The following SLC9A9 variants were observed in gnomAD, a reference collection of about 807,000 sequenced individuals.
The protein encoded by SLC9A9 is solute carrier family 9 member A9.
A neutral mutation model predicts 77.8 loss-of-function variants in SLC9A9; 62 were observed. That is an observed-to-expected ratio of 0.80 (90% CI 0.65 to 0.98). The LOEUF is 0.98. Among genes scored for constraint, SLC9A9 ranks in the 50% least tolerant of loss-of-function variants. The pLI, the probability that SLC9A9 is intolerant of heterozygous loss-of-function variation, is 0.00. For synonymous variants in SLC9A9, 320 were observed against 283.5 expected (o/e 1.13, Z -1.29); for missense variants, 775 against 774.9 (o/e 1.00, Z 0.00).
chr3:143,626,436 A>T (rs1409543187), intron 6 of SLC9A9, among the ~76,000 whole-genome samples: 1 of 152,232 alleles, frequency 6.6e-6, no homozygotes, highest in Non-Finnish European at 1.5e-5. Flanking sequence ...TTATGCAGCC[A>T]TAAAAAATGA....
chr3:143,542,479 G>T (rs923664127), intron 9 of SLC9A9, among the ~76,000 whole-genome samples: 1 of 152,160 alleles, frequency 6.6e-6, no homozygotes, highest in African/African-American at 2.4e-5. Flanking sequence ...AGGTAACTGG[G>T]ATGGAAAGTG....
chr3:143,433,556 T>C (rs1412023392), intron 12 of SLC9A9, among the ~76,000 whole-genome samples: 2 of 152,202 alleles, frequency 1.3e-5, no homozygotes, highest in African/African-American at 2.4e-5. Context: ...CCTTGATTTA[T>C]AGCATTTGCC....
chr3:143,296,845 AT>A (rs2030292855), intron 14 of SLC9A9, among the ~76,000 whole-genome samples: 10 of 152,122 alleles, frequency 6.6e-5, no homozygotes, highest in African/African-American at 2.4e-4. Context: ...TCAGAGAAAT[AT>A]CAAGTCCTTT....
intron 12 of SLC9A9, among the ~76,000 whole-genome samples, chr3:143,422,629 G>C (rs2034320296): frequency 6.6e-6 from 1 of 152,150 alleles, no homozygotes; most frequent in Admixed American, 6.5e-5. Context: ...GGGCTTAAAA[G>C]CTACCTATTG....
chr3:143,780,281 C>A (rs2108846772), intron 4 of SLC9A9, among the ~76,000 whole-genome samples: 1 of 152,108 alleles, frequency 6.6e-6, no homozygotes. Flanking sequence ...CATGTAAGAC[C>A]AGATAGCCCA....
Position 143,512,231 on chromosome 3 carries a change from A to G in SLC9A9, c.1090-16783T>C, listed in dbSNP as rs1050373339. 6.6e-5 allele frequency among the ~76,000 whole-genome samples: 10 copies of G among 152,370 alleles called. No individual in the cohort carries two copies. In the East Asian group the frequency reaches 1.9e-3, roughly 29 times the overall value. On this transcript the variant is annotated intron_variant, in intron 9 of 15. Transcript: ENST00000316549. ...GTTTGTATAATCATCCAGCACGGAG[A>G]TTAGGAATATGTAATAAAACTTTAT...
intron 4 of SLC9A9, among the ~76,000 whole-genome samples, chr3:143,794,257 G>A (rs987236038): frequency 2.5e-4 from 38 of 152,048 alleles, no homozygotes; most frequent in African/African-American, 8.0e-4. Context: ...TAAAAATCAA[G>A]GATAGAGTTG....
In SLC9A9 at chr3:143,765,801, G is replaced by A. The variant is rs116363411; in HGVS notation, c.533+29200C>T. Among the ~76,000 whole-genome samples, 1,075 of 152,268 alleles carry A rather than the reference G, an allele frequency of 7.1e-3. 6 individuals are homozygous for A. The highest frequency in any genetic ancestry group is 0.012 in the Non-Finnish European group (802 of 68,006). On this transcript the variant is annotated intron_variant, in intron 4 of 15. Coordinates refer to ENST00000316549, the MANE Select transcript of SLC9A9 (RefSeq NM_173653.4). ...TCCTTTTGCCATGTACCTTTGCAGTGTCCTCTCTGACTGTAGCCTCAGGCA... is the reference window on the plus strand; with the variant it reads ...TCCTTTTGCCATGTACCTTTGCAGTATCCTCTCTGACTGTAGCCTCAGGCA...
At chr3:143,345,591 G>T (rs2108468476) in intron 14 of SLC9A9, among the ~76,000 whole-genome samples, 1 of 152,330 alleles carries the variant, frequency 6.6e-6, no homozygotes, top group Admixed American at 6.5e-5. Context: ...GCTGGGCGCA[G>T]TTGAGGATAA....
chr3:143,722,317 C>CA (rs1363736603), intron 4 of SLC9A9, among the ~76,000 whole-genome samples: 5 of 151,612 alleles, frequency 3.3e-5, no homozygotes, highest in Admixed American at 3.3e-4. Context: ...ACTAAAAATA[C>CA]AAAAAATTAG....
rs114462245 is a variant in SLC9A9, at chr3:143,831,744, T to C, written c.378+275A>G. Among the ~76,000 whole-genome samples the C allele has an allele frequency of 5.3e-3, 811 of 152,314 alleles. 7 individuals carry two copies. Among genetic ancestry groups the C allele is most frequent in the African/African-American group, 0.019 (787 of 41,568 alleles). On this transcript the variant is annotated intron_variant, in intron 2 of 15. Coordinates refer to ENST00000316549, the MANE Select transcript of SLC9A9 (RefSeq NM_173653.4). Reference sequence around the variant, plus strand: ...GAAAGGCAGAGTTGATAAATGTTTTTTTCTTTTAACCAAATATAACTGTGG... The same window carrying C: ...GAAAGGCAGAGTTGATAAATGTTTTCTTCTTTTAACCAAATATAACTGTGG...
chr3:143,633,769 T>G (rs1560004499), intron 6 of SLC9A9, among the ~76,000 whole-genome samples: 1 of 152,216 alleles, frequency 6.6e-6, no homozygotes, highest in East Asian at 1.9e-4. Flanking sequence ...GTTTCTAGGA[T>G]TTGAATTTTA....
At chr3:143,641,900 A>G (rs1030432691) in intron 6 of SLC9A9, among the ~76,000 whole-genome samples, 3 of 151,128 alleles carry the variant, frequency 2.0e-5, no homozygotes, top group African/African-American at 7.3e-5. Context: ...TTTCTAACTT[A>G]TTTTGCCCGC....
At chr3:143,542,748 G>C (rs1297193399) in intron 9 of SLC9A9, among the ~76,000 whole-genome samples, 1 of 151,926 alleles carries the variant, frequency 6.6e-6, no homozygotes, top group East Asian at 1.9e-4. Flanking sequence ...TTTTTATCTT[G>C]GAATGTTAAT....
intron 4 of SLC9A9, among the ~76,000 whole-genome samples, chr3:143,778,281 C>T (rs1475466476): frequency 6.6e-6 from 1 of 152,054 alleles, no homozygotes; most frequent in African/African-American, 2.4e-5. Context: ...CCCTTTATGG[C>T]AAGACTGTAA....
In SLC9A9 at chr3:143,467,078, A is replaced by G. The variant is rs61734421; in HGVS notation, c.1428T>C (p.Phe476=). 1,762 of 1,614,058 alleles carry G rather than the reference A, an allele frequency of 1.1e-3. 15 individuals are homozygous for G. In the African/African-American group the frequency reaches 0.019, roughly 17 times the overall value. The change falls in exon 12 of 16, where the codon TTT becomes TTC. Residue 476 remains phenylalanine, a synonymous_variant. Transcript: ENST00000316549. The stretch of plus-strand genomic sequence containing the variant: ...TCAACATGGGGGTTGTTCCTCCTCC[A>G]AATACCCAGACAGTGAAGAACACGA... ...LLLVFFTVWV[F]GGGTTPMLTW... is the part of the protein sequence containing the mutation.
At chr3:143,421,286 C>T (rs559222607) in intron 12 of SLC9A9, among the ~76,000 whole-genome samples, 2 of 152,136 alleles carry the variant, frequency 1.3e-5, no homozygotes, top group East Asian at 1.9e-4. Context: ...TCATATGGAA[C>T]CAAAAAGAGC....
At chr3:143,455,523 A>G (rs1427399597) in intron 12 of SLC9A9, among the ~76,000 whole-genome samples, 1 of 152,166 alleles carries the variant, frequency 6.6e-6, no homozygotes, top group Non-Finnish European at 1.5e-5. Context: ...TGTCTTAACT[A>G]TATTTAGTCT....
At chr3:143,388,098 G>A (rs2033468638) in intron 12 of SLC9A9, among the ~76,000 whole-genome samples, 1 of 152,098 alleles carries the variant, frequency 6.6e-6, no homozygotes, top group South Asian at 2.1e-4. Flanking sequence ...GGGAAGAGTG[G>A]CTGGAGATTG....
Sources: allele counts gnomAD v4.1 joint callset (sites outside exome capture counted in the v4.1 genomes callset), GRCh38; gene constraint gnomAD v4.1.1; transcripts MANE v1.5; gene names NCBI Gene and HGNC (gene_info 2026-07-23, HGNC 2026-07-21).